COMMD10: variants seen among roughly 807,000 people sequenced by gnomAD.
COMMD10 encodes COMM domain-containing protein 10.
Under a neutral mutation model 28.9 loss-of-function variants are expected in COMMD10, and 33 were observed. That is an observed-to-expected ratio of 1.14 (90% CI 0.87 to 1.53). The LOEUF is 1.53. Among genes scored for constraint, COMMD10 ranks in the 40% most tolerant of loss-of-function variants. COMMD10 has a pLI of 0.00. For synonymous variants in COMMD10, 110 were observed against 81.7 expected (o/e 1.35, Z -1.87); for missense variants, 310 against 233.4 (o/e 1.33, Z -2.14).
chr5:116,176,032 T>C (rs1159222779), intron 5 of COMMD10, among the ~76,000 whole-genome samples: 2 of 146,570 alleles, frequency 1.4e-5, no homozygotes, highest in Admixed American at 6.7e-5. Context: ...TTTTATGTTA[T>C]GTATATTTTA....
chr5:116,194,932 C>T (rs999057325), intron 5 of COMMD10, among the ~76,000 whole-genome samples: 3 of 152,054 alleles, frequency 2.0e-5, no homozygotes, highest in South Asian at 2.1e-4. Flanking sequence ...TACTAGCTAA[C>T]CAAATCCAAC....
At chr5:116,142,890 C>G (rs1394310310) in intron 5 of COMMD10, among the ~76,000 whole-genome samples, 2 of 151,586 alleles carry the variant, frequency 1.3e-5, no homozygotes, top group Non-Finnish European at 3.0e-5. Context: ...AAGCCTGCTT[C>G]TTTGGAATCA....
chr5:116,092,483 A>G (rs568460246), intron 3 of COMMD10, 62 bp from the exon 4 acceptor site: 97 of 1,167,934 alleles, frequency 8.3e-5, no homozygotes, highest in Non-Finnish European at 1.0e-4. Context: ...TGTATTTAGT[A>G]TAGTTTAAAG....
At chr5:116,129,191 A>G (rs555530868) in intron 4 of COMMD10, among the ~76,000 whole-genome samples, 3 of 151,460 alleles carry the variant, frequency 2.0e-5, no homozygotes, top group Non-Finnish European at 3.0e-5. Context: ...AGAAGTTGCC[A>G]TAATGATGTA....
rs796408821 is a variant in COMMD10 at position 116,167,653 on chromosome 5, C to G, written c.510+33475C>G. Among the ~76,000 whole-genome samples the G allele has an allele frequency of 1.2e-4, 19 of 152,192 alleles. 1 individual carries two copies. Among genetic ancestry groups the G allele is most frequent in the African/African-American group, 3.9e-4 (16 of 41,538 alleles). On this transcript the variant is annotated intron_variant, in intron 5 of 6. Transcript: ENST00000274458. ...GATCTCTCGGCAGAAACCCTACAAGCCAGAAGAGAGTGGGGGCCAATATTC... is the reference window on the plus strand; with the variant it reads ...GATCTCTCGGCAGAAACCCTACAAGGCAGAAGAGAGTGGGGGCCAATATTC...
rs552096568 is a variant in COMMD10, at chr5:116,267,853, A to T, written c.511-23664A>T. ...GAGAAAAACAAGCAATGGGGAAAGG[A>T]TTCCCTATTTAATAAATGGTGCTGG... On this transcript the variant is annotated intron_variant, in intron 5 of 6. Coordinates refer to ENST00000274458, the MANE Select transcript of COMMD10 (RefSeq NM_016144.4). Among the ~76,000 whole-genome samples, 140 of 152,078 alleles carry T rather than the reference A, an allele frequency of 9.2e-4. 3 individuals carry two copies. The highest frequency in any genetic ancestry group is 3.2e-3 in the African/African-American group (132 of 41,332).
intron 5 of COMMD10, among the ~76,000 whole-genome samples, chr5:116,167,032 T>C (rs565327645): frequency 3.3e-5 from 5 of 151,962 alleles, no homozygotes; most frequent in Non-Finnish European, 5.9e-5. Flanking sequence ...CTTCAGAAAA[T>C]GGGTTATAAC....
intron 3 of COMMD10, 61 bp downstream of exon 3, chr5:116,091,250 T>G: frequency 1.2e-6 from 1 of 813,624 alleles, no homozygotes; most frequent in Non-Finnish European, 2.0e-6. Context: ...TGTATTGTTA[T>G]GATATCTATG....
intron 5 of COMMD10, among the ~76,000 whole-genome samples, chr5:116,217,178 G>A (rs1191561058): frequency 6.7e-6 from 1 of 150,048 alleles, no homozygotes; most frequent in African/African-American, 2.5e-5. Flanking sequence ...CAATCCCACT[G>A]TGCAAATCAA....
At chr5:116,256,487 G>T (rs1438891119) in intron 5 of COMMD10, among the ~76,000 whole-genome samples, 1 of 151,650 alleles carries the variant, frequency 6.6e-6, no homozygotes, top group East Asian at 1.9e-4. Flanking sequence ...AAGATCTGAA[G>T]AATCTTGATT....
At chr5:116,120,590 C>G (rs1425262759) in intron 4 of COMMD10, among the ~76,000 whole-genome samples, 1 of 152,112 alleles carries the variant, frequency 6.6e-6, no homozygotes, top group Non-Finnish European at 1.5e-5. Context: ...CTGCCCTAAC[C>G]TAGCCCCAAG....
intron 5 of COMMD10, among the ~76,000 whole-genome samples, chr5:116,163,416 C>G (rs796731363): frequency 7.8e-6 from 1 of 128,080 alleles, no homozygotes; most frequent in East Asian, 2.2e-4. Flanking sequence ...GAAACCCCAC[C>G]TCTACTTAAA....
chr5:116,111,583 T>A (rs528168326), intron 4 of COMMD10, among the ~76,000 whole-genome samples: 17 of 152,192 alleles, frequency 1.1e-4, no homozygotes, highest in Non-Finnish European at 1.2e-4. Context: ...TTTCCAGAGT[T>A]TTTCTTGATA....
At chr5:116,216,614 C>G (rs1417957665) in intron 5 of COMMD10, among the ~76,000 whole-genome samples, 1 of 152,190 alleles carries the variant, frequency 6.6e-6, no homozygotes, top group East Asian at 1.9e-4. Flanking sequence ...TCACTGCAAC[C>G]TGTGCCTCCC....
intron 1 of COMMD10, among the ~76,000 whole-genome samples, chr5:116,086,566 C>G (rs1580432184): frequency 6.6e-6 from 1 of 152,096 alleles, no homozygotes; most frequent in East Asian, 1.9e-4. Context: ...TCAAGCGATT[C>G]TCCTCCCTGA....
chr5:116,198,003 T>C (rs1748573902), intron 5 of COMMD10, among the ~76,000 whole-genome samples: 1 of 152,190 alleles, frequency 6.6e-6, no homozygotes, highest in Non-Finnish European at 1.5e-5. Context: ...TGCTGTCTCC[T>C]CTCACTTACA....
rs4305671 is a variant in COMMD10, at chr5:116,185,826, A to T, written c.510+51648A>T. Reference sequence around the variant, plus strand: ...TTGAGATATCTTTATTAGACCCTTAATATTTTCATTATCTTCTTATCTTAG... The same window carrying T: ...TTGAGATATCTTTATTAGACCCTTATTATTTTCATTATCTTCTTATCTTAG... On this transcript the variant is annotated intron_variant, in intron 5 of 6. Transcript: ENST00000274458. 2.6e-5 allele frequency among the ~76,000 whole-genome samples: 4 copies of T among 152,000 alleles called. No individual in the cohort carries two copies. In the East Asian group the frequency reaches 5.8e-4, roughly 22 times the overall value.
At chr5:116,118,442 C>A (rs1198808895) in intron 4 of COMMD10, among the ~76,000 whole-genome samples, 1 of 141,344 alleles carries the variant, frequency 7.1e-6, no homozygotes, top group Admixed American at 7.4e-5. Context: ...AATGCATGTG[C>A]AATATTCCAT....
At chr5:116,282,342 C>T (rs1156267785) in intron 5 of COMMD10, among the ~76,000 whole-genome samples, 1 of 151,908 alleles carries the variant, frequency 6.6e-6, no homozygotes, top group East Asian at 1.9e-4. Context: ...CTTGCCTGGA[C>T]TAATGTAGTT....
Sources: allele counts gnomAD v4.1 joint callset (sites outside exome capture counted in the v4.1 genomes callset), GRCh38; gene constraint gnomAD v4.1.1; transcripts MANE v1.5; gene names NCBI Gene and HGNC (gene_info 2026-07-23, HGNC 2026-07-21).